Variants in OS9 observed in about 807,000 individuals in gnomAD.
OS9 encodes OS9 endoplasmic reticulum lectin.
A neutral mutation model predicts 84.7 loss-of-function variants in OS9; 58 were observed. The observed-to-expected ratio is 0.68, with a 90% CI of 0.55 to 0.85. The LOEUF (loss-of-function observed/expected upper bound fraction) is 0.85. Ranked by LOEUF, OS9 falls within the 40% of genes least tolerant of loss-of-function variation. The pLI, the probability that OS9 is intolerant of heterozygous loss-of-function variation, is 0.00. For synonymous variants in OS9, 278 were observed against 320.8 expected (o/e 0.87, Z 1.43); for missense variants, 760 against 850.9 (o/e 0.89, Z 1.33).
At chr12:57,720,631 C>T in intron 14 of OS9, 113 bp downstream of exon 14, 1 of 1,275,740 alleles carries the variant, frequency 7.8e-7, no homozygotes, top group Non-Finnish European at 1.1e-6. Context: ...TAAGACAAGG[C>T]TGGGGTTCCA....
In OS9 at chr12:57,720,092, C is replaced by A. The variant is rs201237041; in HGVS notation, c.1601-7C>A. 7.4e-6 allele frequency: 12 copies of A among 1,613,108 alleles called. No homozygotes were observed. The East Asian group carries it at 8.9e-5, about 12-fold the overall frequency. ...TTTGTGTTTCCCTGTGTGTCTCCCC[C>A]TCTAAGAGGAGGATCCTGAGCACAG... On this transcript the variant is annotated splice_polypyrimidine_tract_variant and splice_region_variant and intron_variant, in intron 12 of 14. Transcript: ENST00000315970.
At chr12:57,717,989 C>T in intron 10 of OS9, 31 bp downstream of exon 10, 2 of 1,571,098 alleles carry the variant, frequency 1.3e-6, no homozygotes, top group South Asian at 2.3e-5. Flanking sequence ...ATGGGTAGAA[C>T]CCACCTCCCA....
At chr12:57,696,917 T>A (rs1397810530) in intron 5 of OS9, among the ~76,000 whole-genome samples, 1 of 152,148 alleles carries the variant, frequency 6.6e-6, no homozygotes, top group Non-Finnish European at 1.5e-5. Context: ...GTCGGTACCT[T>A]CACTCTCGCC....
intron 12 of OS9, chr12:57,719,785 C>A (rs1743122600): frequency 3.5e-6 from 1 of 285,680 alleles, no homozygotes; most frequent in South Asian, 5.6e-5. Context: ...ACTTTTCCAA[C>A]CTGCTTCTTC....
At position 57,694,782 on chromosome 12, in the gene OS9, T is replaced by C. The variant is rs774169758; in HGVS notation, c.195T>C (p.Ser65=). The C allele has an allele frequency of 6.2e-7, 1 of 1,614,052 alleles. No individual in the cohort carries two copies. Among genetic ancestry groups the C allele is most frequent in the Non-Finnish European group, 8.5e-7 (1 of 1,180,018 alleles). ...CTTCGGACGTGGTGATTGTCTCCTC[T>C]AAGTACAAACAGCGCTATGAGTGTC... ...SQSSDVVIVS[S]KYKQRYECRL... Residue 65 remains serine, a synonymous_variant, in exon 2 of 15, where the codon TCT becomes TCC. Coordinates refer to ENST00000315970, the MANE Select transcript of OS9 (RefSeq NM_006812.4).
Position 57,715,789 on chromosome 12 carries a change from T to C in OS9, c.609T>C (p.Ser203=). The C allele has an allele frequency of 6.2e-7, 1 of 1,612,884 alleles. No homozygotes were observed. The highest frequency in any genetic ancestry group is 8.5e-7 in the Non-Finnish European group (1 of 1,179,272). The part of the protein sequence containing the change: ...RFLCDEGAGI[S]GDYIDRVDEP... ...TCTGTGACGAGGGTGCAGGTATCTC[T>C]GGGGACTACATCGATCGCGTGGACG... Residue 203 remains serine, a synonymous_variant, in exon 6 of 15, where the codon TCT becomes TCC. Coordinates refer to ENST00000315970, the MANE Select transcript of OS9 (RefSeq NM_006812.4).
chr12:57,701,985 C>T (rs982220028), intron 5 of OS9, among the ~76,000 whole-genome samples: 1 of 150,950 alleles, frequency 6.6e-6, no homozygotes, highest in Non-Finnish European at 1.5e-5. Flanking sequence ...TTAGTGGAGA[C>T]GGGGTTTCAC....
chr12:57,698,772 T>A (rs936022321), intron 5 of OS9, among the ~76,000 whole-genome samples: 1 of 151,450 alleles, frequency 6.6e-6, no homozygotes, highest in Non-Finnish European at 1.5e-5. Flanking sequence ...GGGATAATCA[T>A]GGGAAGAGGA....
intron 5 of OS9, among the ~76,000 whole-genome samples, chr12:57,709,599 T>C (rs1954269966): frequency 6.6e-6 from 1 of 152,216 alleles, no homozygotes; most frequent in Non-Finnish European, 1.5e-5. Flanking sequence ...CAGTTCAAGA[T>C]GCTCACCGTA....
In OS9 at chr12:57,711,916, C is replaced by G. The variant is rs114728311; in HGVS notation, c.580-3844C>G. 2.5e-3 allele frequency among the ~76,000 whole-genome samples: 378 copies of G among 152,218 alleles called. 1 individual carries two copies. The highest frequency in any genetic ancestry group is 8.7e-3 in the African/African-American group (363 of 41,506). ...CCAGCCTGGGCAACAGAGCAAGACCCTGCATCTATTAAAAAAGAAGAAAAA... is the reference window on the plus strand; with the variant it reads ...CCAGCCTGGGCAACAGAGCAAGACCGTGCATCTATTAAAAAAGAAGAAAAA... On this transcript the variant is annotated intron_variant, in intron 5 of 14. Coordinates refer to ENST00000315970, the MANE Select transcript of OS9 (RefSeq NM_006812.4).
rs761911426 is a variant in OS9 at position 57,718,390 on chromosome 12, T to C, written c.1379T>C (p.Met460Thr). 3.1e-6 allele frequency: 5 copies of C among 1,613,892 alleles called. No individual in the cohort carries two copies. Among genetic ancestry groups the C allele is most frequent in the Non-Finnish European group, 4.2e-6 (5 of 1,179,996 alleles). ...CTCCGTTCGGAGGTGAAGGCTGGCA[T>C]GGAGCGGGAACTGGAAAACATCATC... ...DRLRSEVKAG[M>T]ERELENIIQE... is the part of the protein sequence containing the mutation. The change falls in exon 11 of 15, where the codon ATG (methionine) becomes ACG (threonine). Residue 460 changes from methionine (M) to threonine (T), a missense_variant. Coordinates refer to ENST00000315970, the MANE Select transcript of OS9 (RefSeq NM_006812.4).
intron 5 of OS9, among the ~76,000 whole-genome samples, chr12:57,699,782 G>A (rs1953965266): frequency 6.6e-6 from 1 of 152,170 alleles, no homozygotes; most frequent in Non-Finnish European, 1.5e-5. Context: ...TGAAGATGAG[G>A]TGTTGAGAAA....
chr12:57,703,342 C>T (rs1244660926), intron 5 of OS9, among the ~76,000 whole-genome samples: 1 of 152,158 alleles, frequency 6.6e-6, no homozygotes, highest in African/African-American at 2.4e-5. Context: ...CTCAGGTAAG[C>T]TTCCTACTTC....
chr12:57,714,407 G>A (rs767345171), intron 5 of OS9, among the ~76,000 whole-genome samples: 63 of 152,158 alleles, frequency 4.1e-4, no homozygotes, highest in Non-Finnish European at 6.9e-4. Context: ...GTTTCTCCAT[G>A]TTGGTCAGGC....
At chr12:57,719,659 G>T in intron 12 of OS9, 1 of 199,094 alleles carries the variant, frequency 5.0e-6, no homozygotes, top group Non-Finnish European at 1.0e-5. Context: ...AGTGTCCTAT[G>T]GGTGTGGACA....
intron 5 of OS9, among the ~76,000 whole-genome samples, chr12:57,697,926 C>A (rs879360422): frequency 0.35 from 26,628 of 76,376 alleles, 3,798 homozygotes; most frequent in Middle Eastern, 0.46. Context: ...CACACACATA[C>A]ACACACACAC....
intron 7 of OS9, 28 bp from the exon 8 acceptor site, chr12:57,716,384 C>A: frequency 6.6e-7 from 1 of 1,519,780 alleles, no homozygotes; most frequent in South Asian, 1.2e-5. Flanking sequence ...CCTGTCAGAT[C>A]AGTCTCTCCC....
chr12:57,696,425 TA>T, intron 5 of OS9, 52 bp downstream of exon 5: 1 of 591,376 alleles, frequency 1.7e-6, no homozygotes, highest in South Asian at 2.0e-5. Context: ...GTTCAGATTC[TA>T]AGGGAAGAGG....
In OS9 at chr12:57,720,130, G is replaced by A. The variant is rs754108381; in HGVS notation, c.1632G>A (p.Arg544=). Residue 544 remains arginine (R), a synonymous_variant, in exon 13 of 15, where the codon CGG becomes CGA. Coordinates refer to ENST00000315970, the MANE Select transcript of OS9 (RefSeq NM_006812.4). ...ATCCTGAGCACAGAGTCCGGGTCCG[G>A]GTCACCAAGCTCCGTCTCGGAGGCC... is the stretch of plus-strand genomic sequence containing the variant. ...EEDPEHRVRV[R]VTKLRLGGPN... is the part of the protein sequence containing the mutation. 6.2e-6 allele frequency: 10 copies of A among 1,613,980 alleles called. No homozygotes were observed.
Sources: gnomAD v4.1 joint callset for allele counts (sites outside exome capture counted in the v4.1 genomes callset) on GRCh38, gnomAD v4.1.1 for gene constraint, MANE v1.5 for transcripts, NCBI Gene and HGNC (gene_info 2026-07-23, HGNC 2026-07-21) for gene names.